The following MRAS variants were observed in gnomAD, a reference collection of about 807,000 sequenced individuals.
MRAS encodes the protein muscle RAS oncogene homolog.
In MRAS, 4 loss-of-function variants were observed where a neutral mutation model predicts 20.9. The ratio of observed to expected loss-of-function variants is 0.19; its 90% CI spans 0.09 to 0.44. The LOEUF (loss-of-function observed/expected upper bound fraction) is 0.44. MRAS is among the 20% of genes least tolerant of loss of function. The pLI is 0.99. For synonymous variants in MRAS, 98 were observed against 102.9 expected (o/e 0.95, Z 0.29); for missense variants, 154 against 277.5 (o/e 0.56, Z 3.16).
intron 2 of MRAS, among the ~76,000 whole-genome samples, chr3:138,394,652 C>G (rs6794346): frequency 0.011 from 1,653 of 152,320 alleles, 28 homozygotes; most frequent in African/African-American, 0.037. Context: ...GTCTAATAGA[C>G]TCTGAAGCCT....
chr3:138,385,784 G>A (rs1033982835), intron 2 of MRAS, among the ~76,000 whole-genome samples: 3 of 152,300 alleles, frequency 2.0e-5, no homozygotes, highest in South Asian at 2.1e-4. Context: ...CAAAGTGCTG[G>A]GGTTACAGGT....
Position 138,357,907 on chromosome 3 carries a change from A to G in MRAS, c.-19+9140A>G, listed in dbSNP as rs79413656. Among the ~76,000 whole-genome samples the G allele has an allele frequency of 4.7e-3, 715 of 152,332 alleles. 6 individuals are homozygous for G. Among genetic ancestry groups the G allele is most frequent in the African/African-American group, 0.016 (682 of 41,584 alleles). ...GTGGCTGTCTCCTCAAACCTAGTTT[A>G]CTGCTATTTTCCAGGGACCAATTTT... On this transcript the variant is annotated intron_variant, in intron 1 of 5. Transcript: ENST00000423968.
At chr3:138,396,889 T>C (rs995194581) in intron 2 of MRAS, among the ~76,000 whole-genome samples, 3 of 151,998 alleles carry the variant, frequency 2.0e-5, no homozygotes, top group African/African-American at 4.8e-5. Flanking sequence ...ACGGTTTTCA[T>C]TGATAGAGGA....
intron 1 of MRAS, among the ~76,000 whole-genome samples, chr3:138,363,368 C>A (rs534344164): frequency 2.0e-5 from 3 of 152,150 alleles, no homozygotes; most frequent in Admixed American, 6.5e-5. Context: ...ACCGTCCTTA[C>A]TGTTTACGTG....
At chr3:138,380,102 G>A (rs991934553) in intron 2 of MRAS, among the ~76,000 whole-genome samples, 4 of 152,108 alleles carry the variant, frequency 2.6e-5, no homozygotes, top group Non-Finnish European at 5.9e-5. Flanking sequence ...CTGATGATTA[G>A]CGATGTTGAT....
chr3:138,402,541 T>G lies in MRAS; in HGVS notation c.*272T>G. Reference sequence around the variant, plus strand: ...CCCCCCATGTGTTGATTCAACCCGGTTCCTCCCCCTCTCTCGGTGGGTGTG... The same window carrying G: ...CCCCCCATGTGTTGATTCAACCCGGGTCCTCCCCCTCTCTCGGTGGGTGTG... On this transcript the variant is annotated 3_prime_UTR_variant, in exon 6 of 6. Transcript: ENST00000423968. 17 of 376,036 alleles carry G rather than the reference T, an allele frequency of 4.5e-5. No individual in the cohort carries two copies. The highest frequency in any genetic ancestry group is 8.4e-5 in the East Asian group (2 of 23,850). 23.3% of individuals were successfully genotyped at this position (376,036 alleles called of 1,614,324 possible).
chr3:138,389,343 C>T (rs752592003), intron 2 of MRAS, among the ~76,000 whole-genome samples: 9 of 151,504 alleles, frequency 5.9e-5, no homozygotes, highest in Non-Finnish European at 1.3e-4. Context: ...GGACTCTACC[C>T]CATGGTGAGG....
intron 2 of MRAS, among the ~76,000 whole-genome samples, chr3:138,384,081 C>T (rs554514826): frequency 2.6e-5 from 4 of 151,860 alleles, no homozygotes; most frequent in South Asian, 4.3e-4. Context: ...AGGAAGCCAG[C>T]GTGTGGAACA....
chr3:138,399,560 A>G (rs2055316144), intron 4 of MRAS, among the ~76,000 whole-genome samples: 1 of 152,062 alleles, frequency 6.6e-6, no homozygotes, highest in African/African-American at 2.4e-5. Flanking sequence ...ATGCATTTCA[A>G]GTGTTGATTA....
chr3:138,367,687 G>C (rs1221634612), intron 1 of MRAS, among the ~76,000 whole-genome samples: 1 of 152,210 alleles, frequency 6.6e-6, no homozygotes, highest in Non-Finnish European at 1.5e-5. Context: ...TGTGAGTAGA[G>C]ACTGAGCTTC....
rs146294255 is a variant in MRAS, at chr3:138,369,726, T to C, written c.-18-3140T>C. ...CTTGGCTCCCTGTGGTCTCTGAGGG[T>C]TCAACCTCTGAGAGCAGGGTGCTGT... On this transcript the variant is annotated intron_variant, in intron 1 of 5. Coordinates refer to ENST00000423968, the MANE Select transcript of MRAS (RefSeq NM_001085049.3). Among the ~76,000 whole-genome samples the C allele has an allele frequency of 3.7e-3, 562 of 152,150 alleles. 4 individuals carry two copies. Among genetic ancestry groups the C allele is most frequent in the African/African-American group, 0.012 (509 of 41,498 alleles).
At chr3:138,361,793 G>T (rs529543187) in intron 1 of MRAS, among the ~76,000 whole-genome samples, 1 of 152,206 alleles carries the variant, frequency 6.6e-6, no homozygotes, top group Non-Finnish European at 1.5e-5. Flanking sequence ...CCAGCATGAC[G>T]TTCCCAATTG....
intron 2 of MRAS, among the ~76,000 whole-genome samples, chr3:138,386,302 C>T (rs994544775): frequency 2.0e-5 from 3 of 152,000 alleles, no homozygotes; most frequent in Non-Finnish European, 4.4e-5. Flanking sequence ...AACCATTAAT[C>T]CACTTCCTGC....
intron 3 of MRAS, 79 bp downstream of exon 3, chr3:138,397,556 T>G (rs2055267050): frequency 1.2e-5 from 18 of 1,500,962 alleles, no homozygotes; most frequent in Non-Finnish European, 1.4e-5. Context: ...TCTCTCTTTC[T>G]CTTTCTCTCT....
chr3:138,381,994 A>G (rs982224945), intron 2 of MRAS, among the ~76,000 whole-genome samples: 1 of 152,190 alleles, frequency 6.6e-6, no homozygotes, highest in African/African-American at 2.4e-5. Context: ...CCAGCTTCAG[A>G]GTGGGCACTC....
chr3:138,377,023 AAATGTTTTCCTCAAGATTG>A (rs1231866442), intron 2 of MRAS, among the ~76,000 whole-genome samples: 1 of 152,224 alleles, frequency 6.6e-6, no homozygotes, highest in Non-Finnish European at 1.5e-5. Context: ...TTCTGAGGAA[AAATGTTTTCCTCAAGATTG>A]AATGTTTTCC....
At chr3:138,400,124 T>C (rs2108566865) in intron 4 of MRAS, 1 of 163,472 alleles carries the variant, frequency 6.1e-6, no homozygotes, top group African/African-American at 2.4e-5. Context: ...TCCTCAGCCT[T>C]TTCTACCACG....
In MRAS at chr3:138,402,161, T is replaced by G. The variant is rs748512837; in HGVS notation, c.528-9T>G. On this transcript the variant is annotated splice_polypyrimidine_tract_variant and intron_variant, in intron 5 of 5. Transcript: ENST00000423968. ...GACTTTGTCTTTCTGTCCTTCATTG[T>G]TTCAAAAGGCAACAGATTCCGGAAA... is the stretch of plus-strand genomic sequence containing the variant. 2 of 1,613,724 alleles carry G rather than the reference T, an allele frequency of 1.2e-6. No individual in the cohort carries two copies. The highest frequency in any genetic ancestry group is 2.2e-5 in the South Asian group (2 of 91,064).
chr3:138,385,581 C>A lies in MRAS; in HGVS notation c.194-11743C>A, dbSNP rs2054994967. Among the ~76,000 whole-genome samples, 3 of 151,778 alleles carry A rather than the reference C, an allele frequency of 2.0e-5. No homozygotes were observed. The South Asian group carries it at 6.2e-4, about 32-fold the overall frequency. On this transcript the variant is annotated intron_variant, in intron 2 of 5. Coordinates refer to ENST00000423968, the MANE Select transcript of MRAS (RefSeq NM_001085049.3). The stretch of plus-strand genomic sequence containing the variant: ...CCCAGGCTGGAGTGCAGTGGCACAA[C>A]CTTGGCTCACTGCAACCTCTGCTTC...
Sources: gnomAD v4.1 joint callset for allele counts (sites outside exome capture counted in the v4.1 genomes callset) on GRCh38, gnomAD v4.1.1 for gene constraint, MANE v1.5 for transcripts, NCBI Gene and HGNC (gene_info 2026-07-23, HGNC 2026-07-21) for gene names.